The following AIRIM variants were observed in gnomAD, a reference collection of about 807,000 sequenced individuals.
AIRIM encodes the protein AFG2 interacting ribosome maturation factor, also known as AFG2-interacting ribosome maturation factor.
At chr1:37,689,037 C>G in the AIRIM span, among the ~76,000 whole-genome samples, 3 of 150,992 alleles carry the variant, frequency 2.0e-5, no homozygotes, top group African/African-American at 7.3e-5. Flanking sequence ...AACTTGGAGA[C>G]GTGCTACTCC....
At chr1:37,686,570 T>C in the AIRIM span, 1 of 1,016,444 alleles carries the variant, frequency 9.8e-7, no homozygotes, top group African/African-American at 1.6e-5. Flanking sequence ...AGGGCTGCCC[T>C]GTACATTGTA....
At chr1:37,690,573 T>C in the AIRIM span, 1 of 979,938 alleles carries the variant, frequency 1.0e-6, no homozygotes, top group South Asian at 1.8e-5. Flanking sequence ...CGGGCCTGCC[T>C]GGCTACTGAG....
chr1:37,686,369 A>T, the AIRIM span: 1 of 1,614,150 alleles, frequency 6.2e-7, no homozygotes, highest in African/African-American at 1.3e-5. Context: ...ATCAATGCCA[A>T]CTGTGTCTGC....
the AIRIM span, chr1:37,689,943 G>A: frequency 6.7e-7 from 1 of 1,487,434 alleles, no homozygotes; most frequent in Admixed American, 2.4e-5. Flanking sequence ...AGTCGGGGAG[G>A]CACTGGGTCG....
At chr1:37,688,329 T>A in the AIRIM span, among the ~76,000 whole-genome samples, 2 of 152,188 alleles carry the variant, frequency 1.3e-5, no homozygotes, top group African/African-American at 4.8e-5. Context: ...ATTACAGCCA[T>A]AAGCCACCGT....
the AIRIM span, chr1:37,686,581 G>C: frequency 1.1e-6 from 1 of 878,804 alleles, no homozygotes; most frequent in African/African-American, 1.7e-5. Context: ...GTACATTGTA[G>C]GACGTGTAGG....
At chr1:37,683,341 G>A in the AIRIM span, 16 of 1,614,176 alleles carry the variant, frequency 9.9e-6, no homozygotes, top group Admixed American at 1.2e-4. Flanking sequence ...CTTGGTGTTC[G>A]TCTTTTGAAA....
At chr1:37,684,446 G>T in the AIRIM span, among the ~76,000 whole-genome samples, 3 of 152,024 alleles carry the variant, frequency 2.0e-5, no homozygotes, top group African/African-American at 7.2e-5. Context: ...TGGTGAAACC[G>T]CCTCTCTACT....
At chr1:37,692,088 A>C in the AIRIM span, 1 of 154,726 alleles carries the variant, frequency 6.5e-6, no homozygotes, top group East Asian at 1.9e-4. Flanking sequence ...GCAGCCAGCC[A>C]GTCAATCAGT....
chr1:37,683,985 T>G, the AIRIM span: 3 of 156,176 alleles, frequency 1.9e-5, no homozygotes, highest in African/African-American at 7.2e-5. Context: ...CAACAGGAGC[T>G]ATTCCTATAC....
At chr1:37,683,661 G>C in the AIRIM span, 1 of 464,038 alleles carries the variant, frequency 2.2e-6, no homozygotes, top group East Asian at 3.8e-5. Flanking sequence ...CCTGAAATCT[G>C]GGATCTCAGC....
chr1:37,690,717 G>T, the AIRIM span, among the ~76,000 whole-genome samples: 1 of 152,232 alleles, frequency 6.6e-6, no homozygotes, highest in Non-Finnish European at 1.5e-5. Context: ...TCATTTGTCA[G>T]CCTGCGGCAG....
the AIRIM span, among the ~76,000 whole-genome samples, chr1:37,685,169 TCTGTCAC>T: frequency 7.5e-6 from 1 of 133,608 alleles, no homozygotes; most frequent in East Asian, 2.5e-4. Flanking sequence ...AAGAGGTTTT[TCTGTCAC>T]TCGAATGCTT....
At chr1:37,689,670 C>T in the AIRIM span, 4 of 1,613,980 alleles carry the variant, frequency 2.5e-6, no homozygotes, top group Non-Finnish European at 3.4e-6. Context: ...CTCAGCCGCT[C>T]TTTTAAATCT....
chr1:37,689,854 GGCAA>G, the AIRIM span: 1 of 1,577,664 alleles, frequency 6.3e-7, no homozygotes, highest in Non-Finnish European at 8.6e-7. Flanking sequence ...CCTCCTGCAC[GGCAA>G]GCAGAGGCCG....
chr1:37,684,852 A>G, the AIRIM span, among the ~76,000 whole-genome samples: 3 of 152,086 alleles, frequency 2.0e-5, no homozygotes, highest in Non-Finnish European at 4.4e-5. Context: ...GGCTAAAATC[A>G]GGTGTCAGAC....
At chr1:37,687,437 AT>A in the AIRIM span, among the ~76,000 whole-genome samples, 201 of 127,140 alleles carry the variant, frequency 1.6e-3, no homozygotes, top group African/African-American at 4.3e-3. Context: ...CAGCTAATAT[AT>A]ATTTTTTTTT....
At chr1:37,688,952 C>T in the AIRIM span, among the ~76,000 whole-genome samples, 1 of 126,420 alleles carries the variant, frequency 7.9e-6, no homozygotes, top group Non-Finnish European at 1.6e-5. Context: ...AGTGACAGAG[C>T]AAGACCCTGT....
At chr1:37,690,466 C>T in the AIRIM span, 28 of 1,259,594 alleles carry the variant, frequency 2.2e-5, no homozygotes, top group Admixed American at 2.9e-5. Context: ...CTTAAAAGTC[C>T]AGACAGCCAA....
Sources: gnomAD v4.1 joint callset for allele counts (sites outside exome capture counted in the v4.1 genomes callset) on GRCh38, gnomAD v4.1.1 for gene constraint, MANE v1.5 for transcripts, NCBI Gene and HGNC (gene_info 2026-07-23, HGNC 2026-07-21) for gene names.